Variants in PDLIM5 observed in about 807,000 individuals in gnomAD.
PDLIM5 encodes PDZ and LIM domain 5.
In PDLIM5, 34 loss-of-function variants were observed where a neutral mutation model predicts 64.2. That is an observed-to-expected ratio of 0.53 (90% CI 0.40 to 0.71). The LOEUF is 0.71. PDLIM5 is among the 30% of genes least tolerant of loss of function. The probability of loss-of-function intolerance (pLI) is 0.00; values close to 1 mark genes in which losing one functional copy is unlikely to be tolerated. For synonymous variants in PDLIM5, 253 were observed against 269.1 expected, an observed-to-expected ratio of 0.94 and a Z score of 0.59; for missense variants, 683 against 733.6, an observed-to-expected ratio of 0.93 and a Z score of 0.80.
At chr4:94,455,840 T>C (rs1469831707) in intron 2 of PDLIM5, 2 of 1,417,658 alleles carry the variant, frequency 1.4e-6, no homozygotes, top group Non-Finnish European at 1.9e-6. Context: ...GTGGAGGTGA[T>C]AGCCAACAGT....
intron 7 of PDLIM5, among the ~76,000 whole-genome samples, chr4:94,592,770 G>A (rs1233361566): frequency 6.6e-6 from 1 of 152,086 alleles, no homozygotes; most frequent in Non-Finnish European, 1.5e-5. Context: ...GGAACTACAG[G>A]CACACACCAC....
In PDLIM5 at chr4:94,576,017, C is replaced by G; in HGVS notation, c.693C>G (p.Asp231Glu). 6.2e-7 allele frequency: 1 copy of G among 1,613,294 alleles called. No homozygotes were observed. The change falls in exon 5 of 13, where the codon GAC becomes GAG. Residue 231 changes from aspartate to glutamate, a missense_variant. Coordinates refer to ENST00000317968, the MANE Select transcript of PDLIM5 (RefSeq NM_006457.5). ...GACAGAGAAGAGGATCCCAGGGTGA[C>G]AGTAAACAGCAAAATGGGTAGGTGG... Reference protein sequence around the residue: ...AEGQRRGSQGDSKQQNGPPRK... With the variant: ...AEGQRRGSQGESKQQNGPPRK...
chr4:94,455,197 C>T (rs1560625534), intron 1 of PDLIM5, 50 bp from the exon 2 acceptor site: 1 of 722,408 alleles, frequency 1.4e-6, no homozygotes, highest in Non-Finnish European at 2.4e-6. Context: ...AATTTATGTT[C>T]TAGGGTTTCA....
chr4:94,581,341 T>G (rs1735716870), intron 5 of PDLIM5, among the ~76,000 whole-genome samples: 1 of 152,172 alleles, frequency 6.6e-6, no homozygotes, highest in South Asian at 2.1e-4. Context: ...CATTGAACAT[T>G]TGCCCCCATT....
intron 2 of PDLIM5, among the ~76,000 whole-genome samples, chr4:94,523,212 A>G (rs568990758): frequency 3.1e-4 from 47 of 152,350 alleles, no homozygotes; most frequent in Middle Eastern, 3.4e-3. Flanking sequence ...ATCTGAAAGA[A>G]TTCAATCCCC....
chr4:94,494,993 C>G (rs547279638), intron 2 of PDLIM5, among the ~76,000 whole-genome samples: 96 of 152,132 alleles, frequency 6.3e-4, no homozygotes, highest in African/African-American at 2.3e-3. Flanking sequence ...ATCCACCCAC[C>G]TTGGCCTCCG....
chr4:94,522,486 C>T (rs1158879125), intron 2 of PDLIM5, among the ~76,000 whole-genome samples: 1 of 152,128 alleles, frequency 6.6e-6, no homozygotes, highest in Non-Finnish European at 1.5e-5. Context: ...AGCAATTCTC[C>T]TGTCTCAGCC....
intron 7 of PDLIM5, among the ~76,000 whole-genome samples, chr4:94,595,826 C>T (rs192550697): frequency 6.6e-6 from 1 of 152,238 alleles, no homozygotes; most frequent in East Asian, 1.9e-4. Flanking sequence ...GAATTATTCC[C>T]TAGCCTGATA....
rs1553940971 is a variant in PDLIM5 at position 94,494,432 on chromosome 4, G to GGTTTTTTTTTTTTTTTTTTTTTTTTTT, written c.97-29292_97-29291insGTTTTTTTTTTTTTTTTTTTTTTTTTT. On this transcript the variant is annotated intron_variant, in intron 2 of 12. Transcript: ENST00000317968. Reference sequence around the variant, plus strand: ...AGCATTCACTAATTTTTTTTTTCTTGTTTTTTTTTTTTTTTTTTTTTTTTG... The same window carrying GGTTTTTTTTTTTTTTTTTTTTTTTTTT: ...AGCATTCACTAATTTTTTTTTTCTTGGTTTTTTTTTTTTTTTTTTTTTTTTTTTTTTTTTTTTTTTTTTTTTTTTTTG... Among the ~76,000 whole-genome samples the GGTTTTTTTTTTTTTTTTTTTTTTTTTT allele has an allele frequency of 2.0e-4, 14 of 70,774 alleles. 3 individuals carry two copies. The highest frequency in any genetic ancestry group is 9.8e-4 in the East Asian group (2 of 2,044). 46.4% of individuals were successfully genotyped at this position (70,774 alleles called of 152,430 possible).
Position 94,462,734 on chromosome 4 carries a change from A to G in PDLIM5, c.96+7350A>G, listed in dbSNP as rs1219978827. 2.0e-5 allele frequency among the ~76,000 whole-genome samples: 3 copies of G among 152,142 alleles called. No individual in the cohort carries two copies. In the South Asian group the frequency reaches 6.2e-4, roughly 31 times the overall value. On this transcript the variant is annotated intron_variant, in intron 2 of 12. Transcript: ENST00000317968. ...GTATGCATTTGTAATTTTGACTGAT[A>G]TTGCCGTCTTTATAGAGACACTCCT...
At chr4:94,607,579 A>T (rs1436046404) in intron 7 of PDLIM5, among the ~76,000 whole-genome samples, 1 of 152,190 alleles carries the variant, frequency 6.6e-6, no homozygotes, top group Non-Finnish European at 1.5e-5. Flanking sequence ...GAACATTCTG[A>T]CGTGAAACTT....
intron 9 of PDLIM5, among the ~76,000 whole-genome samples, chr4:94,642,099 ACT>A (rs1741044465): frequency 6.6e-6 from 1 of 152,192 alleles, no homozygotes; most frequent in East Asian, 1.9e-4. Flanking sequence ...ATAGAAACAA[ACT>A]CTGACTTGTA....
At chr4:94,563,950 CTTTCTTTCTTTTTTTTTTTTT>C (rs1488640350) in intron 3 of PDLIM5, among the ~76,000 whole-genome samples, 34 of 118,360 alleles carry the variant, frequency 2.9e-4, no homozygotes, top group Non-Finnish European at 5.5e-4. Context: ...TTTTTTTTTT[CTTTCTTTCTTTTTTTTTTTTT>C]TTTCTGTTTT....
chr4:94,620,714 T>C (rs1361309826), intron 8 of PDLIM5, among the ~76,000 whole-genome samples: 1 of 151,996 alleles, frequency 6.6e-6, no homozygotes, highest in Non-Finnish European at 1.5e-5. Flanking sequence ...ACGTTATTTA[T>C]ACAGTCTATT....
At chr4:94,579,550 A>G in intron 5 of PDLIM5, 1 of 1,363,876 alleles carries the variant, frequency 7.3e-7, no homozygotes, top group Non-Finnish European at 1.0e-6. Flanking sequence ...TAGTATCCAC[A>G]TTACTGGAGA....
At chr4:94,599,813 C>G (rs1737351460) in intron 7 of PDLIM5, among the ~76,000 whole-genome samples, 1 of 151,946 alleles carries the variant, frequency 6.6e-6, no homozygotes, top group African/African-American at 2.4e-5. Context: ...TTTGGAGGAT[C>G]AAAGATGACT....
At chr4:94,649,718 G>A (rs1018179624) in intron 9 of PDLIM5, among the ~76,000 whole-genome samples, 1 of 152,148 alleles carries the variant, frequency 6.6e-6, no homozygotes, top group African/African-American at 2.4e-5. Context: ...TATTAGTGTT[G>A]CCAAATTGAA....
intron 8 of PDLIM5, among the ~76,000 whole-genome samples, chr4:94,620,852 T>C (rs541169727): frequency 6.6e-6 from 1 of 151,684 alleles, no homozygotes; most frequent in Admixed American, 6.6e-5. Context: ...GGTCAGGAGA[T>C]CGAGACCATC....
chr4:94,588,693 A>C (rs948301986), intron 7 of PDLIM5, among the ~76,000 whole-genome samples: 1 of 152,294 alleles, frequency 6.6e-6, no homozygotes, highest in East Asian at 1.9e-4. Context: ...TCAGTTGACT[A>C]TTGTGCAACA....
Sources: gnomAD v4.1 joint callset for allele counts (sites outside exome capture counted in the v4.1 genomes callset) on GRCh38, gnomAD v4.1.1 for gene constraint, MANE v1.5 for transcripts, NCBI Gene and HGNC (gene_info 2026-07-23, HGNC 2026-07-21) for gene names.